RBMS3: variants seen among roughly 807,000 people sequenced by gnomAD.
The protein encoded by RBMS3 is RNA-binding motif, single-stranded-interacting protein 3.
RBMS3 carries 27 observed loss-of-function variants against 66.8 expected under a neutral mutation model. The ratio of observed to expected loss-of-function variants is 0.40; its 90% confidence interval spans 0.30 to 0.56. RBMS3 has a LOEUF of 0.56. Ranked by LOEUF, RBMS3 falls within the 20% of genes least tolerant of loss-of-function variation. RBMS3 has a pLI of 0.40. For synonymous variants in RBMS3, 188 were observed against 183.0 expected (o/e 1.03, Z -0.22); for missense variants, 513 against 549.5 (o/e 0.93, Z 0.66).
Position 30,005,354 on chromosome 3 carries a change from T to C in RBMS3, c.*1492T>C, listed in dbSNP as rs990450470. 1 of 151,850 alleles carries C rather than the reference T, an allele frequency of 6.6e-6. No homozygotes were observed. The allele number at this position is 151,850 out of a possible 1,614,324, so 9.4% of individuals were successfully genotyped here. Reference sequence around the variant, plus strand: ...CCAAGTGGCTTTAAATTCTGTGAGCTTTTCTGGTTTCTCACTAGCTGTCTT... The same window carrying C: ...CCAAGTGGCTTTAAATTCTGTGAGCCTTTCTGGTTTCTCACTAGCTGTCTT... On this transcript the variant is annotated 3_prime_UTR_variant, in exon 15 of 15. Coordinates refer to ENST00000383767, the MANE Select transcript of RBMS3 (RefSeq NM_001003793.3).
chr3:29,953,804 C>G (rs967351658), intron 12 of RBMS3, among the ~76,000 whole-genome samples: 1 of 151,832 alleles, frequency 6.6e-6, no homozygotes, highest in African/African-American at 2.4e-5. Context: ...ACCTTTTTCA[C>G]CTTTTTAAGT....
chr3:29,442,980 C>G (rs1310840815), intron 2 of RBMS3, among the ~76,000 whole-genome samples: 1 of 152,076 alleles, frequency 6.6e-6, no homozygotes, highest in African/African-American at 2.4e-5. Flanking sequence ...CAAACAACAT[C>G]AGCTATTCTA....
chr3:29,315,402 C>T (rs532555851), intron 1 of RBMS3, among the ~76,000 whole-genome samples: 1 of 151,846 alleles, frequency 6.6e-6, no homozygotes, highest in East Asian at 1.9e-4. Flanking sequence ...TATATTTCTT[C>T]CTCCCCTTCT....
At chr3:30,000,889 G>T (rs1055436243) in intron 14 of RBMS3, among the ~76,000 whole-genome samples, 3 of 152,044 alleles carry the variant, frequency 2.0e-5, no homozygotes, top group Admixed American at 2.0e-4. Flanking sequence ...GCCTGTCAGG[G>T]AGTGGGGGAC....
At chr3:29,672,121 G>T (rs1054277174) in intron 4 of RBMS3, among the ~76,000 whole-genome samples, 3 of 152,116 alleles carry the variant, frequency 2.0e-5, no homozygotes, top group African/African-American at 7.2e-5. Flanking sequence ...AAGAGAGTGG[G>T]GGCCGATATT....
At chr3:29,364,893 T>C (rs779939524) in intron 1 of RBMS3, among the ~76,000 whole-genome samples, 2 of 152,164 alleles carry the variant, frequency 1.3e-5, no homozygotes, top group Non-Finnish European at 2.9e-5. Context: ...GCCAGCATAA[T>C]GAGTTCGTGG....
intron 5 of RBMS3, among the ~76,000 whole-genome samples, chr3:29,761,668 C>A (rs1455664785): frequency 6.6e-6 from 1 of 151,964 alleles, no homozygotes; most frequent in African/African-American, 2.4e-5. Context: ...ATCTTGTTTC[C>A]TTTGCCATGT....
At chr3:29,897,281 G>A (rs1035914505) in intron 8 of RBMS3, 98 bp from the exon 9 acceptor site, 13 of 1,053,878 alleles carry the variant, frequency 1.2e-5, no homozygotes, top group African/African-American at 7.9e-5. Context: ...AAACGTGCGG[G>A]TGGAAATATG....
At chr3:29,339,770 A>C (rs1344191806) in intron 1 of RBMS3, among the ~76,000 whole-genome samples, 2 of 152,238 alleles carry the variant, frequency 1.3e-5, no homozygotes, top group East Asian at 3.9e-4. Context: ...TAGAGTAAAA[A>C]ATTTGAATGC....
At chr3:29,980,731 T>C (rs1697928477) in intron 12 of RBMS3, among the ~76,000 whole-genome samples, 1 of 152,014 alleles carries the variant, frequency 6.6e-6, no homozygotes, top group Non-Finnish European at 1.5e-5. Context: ...TTGTCGAAGA[T>C]AGATGGTTGT....
At chr3:29,297,240 G>A (rs1447555768) in intron 1 of RBMS3, among the ~76,000 whole-genome samples, 2 of 151,750 alleles carry the variant, frequency 1.3e-5, no homozygotes, top group South Asian at 4.1e-4. Context: ...AAAATGTCTT[G>A]AGGATCAATA....
At chr3:29,647,088 G>A (rs139547722) in intron 4 of RBMS3, among the ~76,000 whole-genome samples, 2,174 of 151,838 alleles carry the variant, frequency 0.014, 38 homozygotes, top group African/African-American at 0.042. Flanking sequence ...AGTGATTCTC[G>A]TGCCTCAGCC....
intron 5 of RBMS3, among the ~76,000 whole-genome samples, chr3:29,742,191 G>T (rs948084740): frequency 6.6e-6 from 1 of 152,132 alleles, no homozygotes; most frequent in South Asian, 2.1e-4. Context: ...TGGTATATGA[G>T]ATCATGAAAG....
At chr3:29,781,115 C>T (rs1438204220) in intron 6 of RBMS3, among the ~76,000 whole-genome samples, 2 of 141,890 alleles carry the variant, frequency 1.4e-5, no homozygotes, top group Non-Finnish European at 1.5e-5. Flanking sequence ...TCCCTCCCCC[C>T]TCCCCCGAGA....
At chr3:29,664,380 C>T (rs57701165) in intron 4 of RBMS3, among the ~76,000 whole-genome samples, 5,397 of 151,876 alleles carry the variant, frequency 0.036, 207 homozygotes, top group African/African-American at 0.091. Flanking sequence ...CCCAGCTACT[C>T]GGGAGGCTGA....
chr3:29,386,102 T>C (rs541770166), intron 1 of RBMS3, among the ~76,000 whole-genome samples: 2 of 152,296 alleles, frequency 1.3e-5, no homozygotes, highest in East Asian at 3.9e-4. Context: ...TAAATGACTC[T>C]GGTAAAATCC....
chr3:29,564,878 T>G (rs1186846173), intron 3 of RBMS3, among the ~76,000 whole-genome samples: 1 of 151,078 alleles, frequency 6.6e-6, no homozygotes, highest in Non-Finnish European at 1.5e-5. Flanking sequence ...ATTCTATCAA[T>G]TCCAAGAAAA....
At chr3:29,998,485 T>C (rs1485046939) in intron 14 of RBMS3, among the ~76,000 whole-genome samples, 4 of 152,162 alleles carry the variant, frequency 2.6e-5, no homozygotes, top group African/African-American at 9.7e-5. Context: ...AGAACAAAGC[T>C]GGAGGCATCA....
chr3:29,825,409 A>C (rs949614463), intron 6 of RBMS3, among the ~76,000 whole-genome samples: 10 of 152,034 alleles, frequency 6.6e-5, no homozygotes, highest in Non-Finnish European at 1.3e-4. Context: ...TCCCCACCCA[A>C]ATCTCATCTT....
Sources: allele counts gnomAD v4.1 joint callset (sites outside exome capture counted in the v4.1 genomes callset), GRCh38; gene constraint gnomAD v4.1.1; transcripts MANE v1.5; gene names NCBI Gene and HGNC (gene_info 2026-07-23, HGNC 2026-07-21).